The following ELMO2 variants were observed in gnomAD, a reference collection of about 807,000 sequenced individuals.
ELMO2 encodes the protein engulfment and cell motility 2, also known as engulfment and cell motility protein 2.
Under a neutral mutation model 96.2 loss-of-function variants are expected in ELMO2, and 37 were observed. The observed-to-expected ratio is 0.38, with a 90% CI of 0.30 to 0.51. The LOEUF is 0.51. Ranked by LOEUF, ELMO2 falls within the 20% of genes least tolerant of loss-of-function variation. The probability of loss-of-function intolerance (pLI) is 0.88; values close to 1 mark genes in which losing one functional copy is unlikely to be tolerated. For synonymous variants in ELMO2, 315 were observed against 329.4 expected, an observed-to-expected ratio of 0.96 and a Z score of 0.47; for missense variants, 561 against 912.6, an observed-to-expected ratio of 0.61 and a Z score of 4.96.
chr20:46,374,703 G>A, intron 13 of ELMO2, 63 bp from the exon 14 acceptor site: 1 of 1,454,746 alleles, frequency 6.9e-7, no homozygotes, highest in Non-Finnish European at 9.6e-7. Flanking sequence ...GGACCTGAGG[G>A]GATGCCCTCT....
intron 16 of ELMO2, 171 bp downstream of exon 16, chr20:46,373,228 G>A: frequency 1.2e-6 from 1 of 801,016 alleles, no homozygotes; most frequent in East Asian, 2.7e-5. Context: ...GTCACAGAGG[G>A]AGCAACAACC....
At chr20:46,369,959 GGGGTGTGTGTGTGTGT>G (rs1478102358) in intron 20 of ELMO2, 49 of 251,110 alleles carry the variant, frequency 2.0e-4, no homozygotes, top group East Asian at 8.0e-4. Flanking sequence ...GATGGGTATG[GGGGTGTGTGTGTGTGT>G]GTGTGTGTGT....
At chr20:46,393,638 C>A in intron 4 of ELMO2, 37 bp from the exon 5 acceptor site, 1 of 1,604,386 alleles carries the variant, frequency 6.2e-7, no homozygotes, top group Non-Finnish European at 8.5e-7. Flanking sequence ...CACTTGGCCA[C>A]TCTCTTGTTC....
intron 10 of ELMO2, among the ~76,000 whole-genome samples, chr20:46,383,186 A>G (rs2059987075): frequency 6.6e-6 from 1 of 152,178 alleles, no homozygotes; most frequent in Non-Finnish European, 1.5e-5. Flanking sequence ...CTTTAGAGGA[A>G]AAAGTTTGAA....
Position 46,394,402 on chromosome 20 carries a change from T to C in ELMO2, c.78+3A>G. 1 of 1,614,100 alleles carries C rather than the reference T, an allele frequency of 6.2e-7. No individual in the cohort carries two copies. Among genetic ancestry groups the C allele is most frequent in the Non-Finnish European group, 8.5e-7 (1 of 1,180,002 alleles). On this transcript the variant is annotated splice_donor_region_variant and intron_variant, in intron 3 of 21. Transcript: ENST00000290246. ...ACCACTGCTTCTCACTTCAGGAGCA[T>C]ACCTGGTCGATTTCAAGGAGCTGGG...
chr20:46,389,783 A>T (rs1433015516), intron 6 of ELMO2, among the ~76,000 whole-genome samples: 3 of 152,118 alleles, frequency 2.0e-5, no homozygotes, highest in Admixed American at 6.5e-5. Flanking sequence ...CAGGAATTCA[A>T]GGTTGCAGTG....
chr20:46,406,091 G>A (rs917377159), intron 1 of ELMO2, among the ~76,000 whole-genome samples: 1 of 152,120 alleles, frequency 6.6e-6, no homozygotes, highest in Non-Finnish European at 1.5e-5. Flanking sequence ...TCCACGGGGC[G>A]GACTGGTGGA....
At position 46,368,926 on chromosome 20, in the gene ELMO2, C is replaced by A; in HGVS notation, c.1927G>T (p.Glu643Ter). ...LAFSILYDPD[E>*]TLNFIAPNKY... ...TTAGGTGCGATGAAGTTTAAGGTCT[C>A]ATCAGGGTCATACAGGATGGAGAAG... The change falls in exon 21 of 22, where the codon GAG becomes TAG. Residue 643 changes from glutamate to a stop codon, truncating the protein, a stop_gained. Coordinates refer to ENST00000290246, the MANE Select transcript of ELMO2 (RefSeq NM_133171.5). LOFTEE classifies it high-confidence loss of function. 1 of 1,614,198 alleles carries A rather than the reference C, an allele frequency of 6.2e-7. No individual in the cohort carries two copies. The highest frequency in any genetic ancestry group is 1.1e-5 in the South Asian group (1 of 91,086).
intron 7 of ELMO2, among the ~76,000 whole-genome samples, chr20:46,388,599 G>A (rs2060091654): frequency 1.3e-5 from 2 of 151,944 alleles, no homozygotes; most frequent in Admixed American, 1.3e-4. Flanking sequence ...AGGCGTGTGT[G>A]TGTGTGTGTG....
chr20:46,391,183 G>A (rs1273063226), intron 6 of ELMO2, among the ~76,000 whole-genome samples: 1 of 152,204 alleles, frequency 6.6e-6, no homozygotes, highest in Admixed American at 6.5e-5. Flanking sequence ...AAGTCCTTAA[G>A]ATGAGAAGAG....
At position 46,367,418 on chromosome 20, in the gene ELMO2, G is replaced by A; in HGVS notation, c.2105C>T (p.Ala702Val). 1 of 1,611,726 alleles carries A rather than the reference G, an allele frequency of 6.2e-7. No homozygotes were observed. The highest frequency in any genetic ancestry group is 8.5e-7 in the Non-Finnish European group (1 of 1,179,090). Residue 702 changes from alanine (A) to valine (V), a missense_variant, in exon 22 of 22, where the codon GCC becomes GTC. Transcript: ENST00000290246. ...LDLENIQIPE[A>V]PPPIPKEPSS... ...GGGCTCCTTGGGGATGGGGGGTGGG[G>A]CTTCGGGAATCTGGATGTTCTCCAG...
chr20:46,369,998 G>C lies in ELMO2; in HGVS notation c.1884+445C>G, dbSNP rs1483461391. The C allele has an allele frequency of 9.1e-6, 3 of 331,136 alleles. No individual in the cohort carries two copies. The East Asian group carries it at 2.8e-4, about 30-fold the overall frequency. 20.5% of individuals were successfully genotyped at this position (331,136 alleles called of 1,614,324 possible). A position where few individuals can be genotyped will look rare whatever the true frequency, so the allele number is the denominator to read the frequency against. On this transcript the variant is annotated intron_variant, in intron 20 of 21. Coordinates refer to ENST00000290246, the MANE Select transcript of ELMO2 (RefSeq NM_133171.5). ...TGTGTGTGTGTGTGTGTGTGTGTGTGTGTGTGTATCCATATAAACATTTAT... is the reference window on the plus strand; with the variant it reads ...TGTGTGTGTGTGTGTGTGTGTGTGTCTGTGTGTATCCATATAAACATTTAT...
Position 46,393,145 on chromosome 20 carries a change from TG to T in ELMO2, c.193-3del. The T allele has an allele frequency of 2.5e-6, 4 of 1,613,902 alleles. No individual in the cohort carries two copies. The highest frequency in any genetic ancestry group is 3.4e-6 in the Non-Finnish European group (4 of 1,179,796). ...CCCATTCTTAATGTCACTGCGAGTC[TG>T]GGTAGTGAAAAATAAACAAAAAAAG... On this transcript the variant is annotated splice_region_variant and splice_polypyrimidine_tract_variant and intron_variant, in intron 5 of 21. Coordinates refer to ENST00000290246, the MANE Select transcript of ELMO2 (RefSeq NM_133171.5).
intron 2 of ELMO2, among the ~76,000 whole-genome samples, chr20:46,396,283 T>A (rs530437491): frequency 1.1e-4 from 17 of 152,342 alleles, no homozygotes; most frequent in African/African-American, 4.1e-4. Flanking sequence ...TGCTTAGAGA[T>A]GCATCCTTAT....
At chr20:46,381,634 G>A (rs907613444) in intron 10 of ELMO2, among the ~76,000 whole-genome samples, 3 of 152,176 alleles carry the variant, frequency 2.0e-5, no homozygotes, top group Admixed American at 2.0e-4. Context: ...GTGGGTAATT[G>A]ACAGTGGTCT....
chr20:46,382,764 A>T (rs1210376803), intron 10 of ELMO2, among the ~76,000 whole-genome samples: 1 of 152,232 alleles, frequency 6.6e-6, no homozygotes. Context: ...GAGGTAAACA[A>T]GGCAGATGTT....
chr20:46,375,532 T>C lies in ELMO2; in HGVS notation c.930+136A>G. 1 of 1,496,492 alleles carries C rather than the reference T, an allele frequency of 6.7e-7. No individual in the cohort carries two copies. Among genetic ancestry groups the C allele is most frequent in the Non-Finnish European group, 9.1e-7 (1 of 1,099,018 alleles). The allele number at this position is 1,496,492 out of a possible 1,614,324, so 92.7% of individuals were successfully genotyped here. On this transcript the variant is annotated intron_variant, in intron 12 of 21. Transcript: ENST00000290246. This position sits in a 1 kb window ranked among gnomAD's most constrained non-coding sequence, Gnocchi z 4.6. ...GGACAGAAATGGGCTTGGCTCATGG[T>C]GCAGATCATGCTAGATTTTCTAGGG...
At chr20:46,372,107 G>A (rs971550865) in intron 16 of ELMO2, 138 bp from the exon 17 acceptor site, 6 of 971,380 alleles carry the variant, frequency 6.2e-6, no homozygotes, top group African/African-American at 1.6e-5. Flanking sequence ...GGTGAGTAAG[G>A]TATACCTTCT....
chr20:46,384,456 G>C (rs553882227), intron 9 of ELMO2, among the ~76,000 whole-genome samples: 12 of 152,208 alleles, frequency 7.9e-5, no homozygotes, highest in African/African-American at 2.9e-4. Flanking sequence ...ATAAGTTCTG[G>C]TGACAGCTGT....
Sources: gnomAD v4.1 joint callset for allele counts (sites outside exome capture counted in the v4.1 genomes callset) on GRCh38, gnomAD v4.1.1 for gene constraint, Gnocchi (gnomAD v3.1) non-coding constraint, MANE v1.5 for transcripts, NCBI Gene and HGNC (gene_info 2026-07-23, HGNC 2026-07-21) for gene names.